The following PDZRN4 variants were observed in gnomAD, a reference collection of about 807,000 sequenced individuals.
PDZRN4 encodes the protein PDZ domain-containing RING finger protein 4.
Under a neutral mutation model 99.0 loss-of-function variants are expected in PDZRN4, and 70 were observed. The observed-to-expected ratio is 0.71, with a 90% CI of 0.58 to 0.86. The LOEUF is 0.86. Among genes scored for constraint, PDZRN4 ranks in the 40% least tolerant of loss-of-function variants. PDZRN4 has a pLI of 0.00. For missense variants in PDZRN4, 1,474 were observed against 1,331.2 expected (o/e 1.11, Z -1.67); for synonymous variants, 551 against 501.6 (o/e 1.10, Z -1.32).
chr12:41,510,471 T>G (rs1281085693), intron 5 of PDZRN4, among the ~76,000 whole-genome samples: 1 of 152,152 alleles, frequency 6.6e-6, no homozygotes, highest in Non-Finnish European at 1.5e-5. Context: ...TACTGTGATA[T>G]ATAACAATTC....
At chr12:41,218,187 G>A (rs1950933472) in intron 3 of PDZRN4, among the ~76,000 whole-genome samples, 1 of 152,072 alleles carries the variant, frequency 6.6e-6, no homozygotes, top group African/African-American at 2.4e-5. Context: ...TCAAGTAAAA[G>A]CCTCTTTTCC....
chr12:41,530,575 A>C (rs1272723336), intron 5 of PDZRN4, among the ~76,000 whole-genome samples: 1 of 152,194 alleles, frequency 6.6e-6, no homozygotes, highest in Admixed American at 6.5e-5. Flanking sequence ...TGTGCTGTGA[A>C]CATTCTTTTA....
chr12:41,474,284 G>A (rs78713313), intron 3 of PDZRN4, among the ~76,000 whole-genome samples: 138 of 152,288 alleles, frequency 9.1e-4, no homozygotes, highest in Non-Finnish European at 1.6e-3. Context: ...GCACAGATGA[G>A]AAAATGAGAT....
chr12:41,542,953 TA>T (rs1203790794), intron 5 of PDZRN4, among the ~76,000 whole-genome samples: 3 of 152,204 alleles, frequency 2.0e-5, no homozygotes, highest in Non-Finnish European at 4.4e-5. Context: ...ATGTTTTATA[TA>T]AGATGGAAGC....
chr12:41,525,843 CA>C (rs138736624), intron 5 of PDZRN4, among the ~76,000 whole-genome samples: 74 of 147,480 alleles, frequency 5.0e-4, no homozygotes, highest in African/African-American at 1.1e-3. Flanking sequence ...TGTCCTTCAT[CA>C]AAAAAAAAAA....
chr12:41,301,398 T>A (rs1204578851), intron 3 of PDZRN4, among the ~76,000 whole-genome samples: 2 of 152,060 alleles, frequency 1.3e-5, no homozygotes, highest in Admixed American at 1.3e-4. Context: ...TGAGGACTGT[T>A]GTTTCTATTT....
intron 5 of PDZRN4, among the ~76,000 whole-genome samples, chr12:41,548,716 T>G (rs904511259): frequency 2.0e-5 from 3 of 152,210 alleles, no homozygotes; most frequent in Non-Finnish European, 4.4e-5. Flanking sequence ...TCTTGTTTCT[T>G]TCCCCAGTAA....
intron 3 of PDZRN4, among the ~76,000 whole-genome samples, chr12:41,275,403 T>C (rs1951344291): frequency 6.6e-6 from 1 of 152,152 alleles, no homozygotes; most frequent in Non-Finnish European, 1.5e-5. Context: ...ATTTTATAGT[T>C]TTCATTGCCA....
intron 3 of PDZRN4, among the ~76,000 whole-genome samples, chr12:41,470,900 T>A (rs1014854285): frequency 1.3e-5 from 2 of 152,174 alleles, no homozygotes; most frequent in African/African-American, 4.8e-5. Context: ...CATGAACTTC[T>A]GGTAGAGAAC....
At chr12:41,458,810 G>A (rs1455113432) in intron 3 of PDZRN4, among the ~76,000 whole-genome samples, 2 of 152,164 alleles carry the variant, frequency 1.3e-5, no homozygotes, top group Non-Finnish European at 2.9e-5. Flanking sequence ...AGCTGGCTTG[G>A]AAGACATGGC....
chr12:41,420,251 C>A (rs752595572), intron 3 of PDZRN4, among the ~76,000 whole-genome samples: 3 of 152,088 alleles, frequency 2.0e-5, no homozygotes, highest in African/African-American at 4.8e-5. Context: ...CTGTGCCTTT[C>A]CTCCTATCCA....
intron 3 of PDZRN4, among the ~76,000 whole-genome samples, chr12:41,482,394 T>A (rs1219105826): frequency 6.6e-6 from 1 of 152,134 alleles, no homozygotes; most frequent in African/African-American, 2.4e-5. Context: ...GGATGAGAAC[T>A]TGGATTCTAC....
At chr12:41,258,276 T>G (rs542307822) in intron 3 of PDZRN4, among the ~76,000 whole-genome samples, 1 of 152,234 alleles carries the variant, frequency 6.6e-6, no homozygotes, top group Non-Finnish European at 1.5e-5. Flanking sequence ...ATATCTTGTT[T>G]AATTTTTAGC....
intron 3 of PDZRN4, among the ~76,000 whole-genome samples, chr12:41,368,422 C>T (rs992862769): frequency 6.6e-5 from 10 of 152,112 alleles, no homozygotes; most frequent in Admixed American, 2.6e-4. Flanking sequence ...GTGCTTCAAA[C>T]TCATGTACAT....
chr12:41,533,900 A>C (rs1386972415), intron 5 of PDZRN4, among the ~76,000 whole-genome samples: 1 of 152,000 alleles, frequency 6.6e-6, no homozygotes, highest in African/African-American at 2.4e-5. Flanking sequence ...AAAATCTTTT[A>C]TGTGAATTGA....
At chr12:41,312,277 A>AC (rs1565548697) in intron 3 of PDZRN4, among the ~76,000 whole-genome samples, 1 of 151,566 alleles carries the variant, frequency 6.6e-6, no homozygotes, top group East Asian at 1.9e-4. Context: ...AAAAAAAAAA[A>AC]CACACATACA....
At chr12:41,465,589 T>TTAATATAATAA (rs1952917001) in intron 3 of PDZRN4, among the ~76,000 whole-genome samples, 1 of 152,200 alleles carries the variant, frequency 6.6e-6, no homozygotes, top group South Asian at 2.1e-4. Flanking sequence ...TCATTTATAG[T>TTAATATAATAA]CTCTTTGGTG....
intron 3 of PDZRN4, among the ~76,000 whole-genome samples, chr12:41,289,990 A>C (rs2120905045): frequency 6.6e-6 from 1 of 152,372 alleles, no homozygotes; most frequent in African/African-American, 2.4e-5. Context: ...CAAGTAGGGC[A>C]TGCCATCAAA....
At chr12:41,276,484 ATATT>A (rs1367991316) in intron 3 of PDZRN4, among the ~76,000 whole-genome samples, 1 of 152,132 alleles carries the variant, frequency 6.6e-6, no homozygotes, top group Non-Finnish European at 1.5e-5. Context: ...AAATATGAAT[ATATT>A]TATGAAATAT....
Sources: allele counts gnomAD v4.1 joint callset (sites outside exome capture counted in the v4.1 genomes callset), GRCh38; gene constraint gnomAD v4.1.1; transcripts MANE v1.5; gene names NCBI Gene and HGNC (gene_info 2026-07-23, HGNC 2026-07-21).